The following STPG2 variants were observed in gnomAD, a reference collection of about 807,000 sequenced individuals.
STPG2 encodes sperm tail PG-rich repeat containing 2, also known as sperm-tail PG-rich repeat-containing protein 2.
STPG2 carries 56 observed loss-of-function variants against 54.2 expected under a neutral mutation model. That is an observed-to-expected ratio of 1.03 (90% CI 0.83 to 1.29). The LOEUF is 1.29. STPG2 is among the 50% of genes most tolerant of loss of function. The probability of loss-of-function intolerance (pLI) is 0.00; values close to 1 mark genes in which losing one functional copy is unlikely to be tolerated. For synonymous variants in STPG2, 200 were observed against 181.8 expected (o/e 1.10, Z -0.81); for missense variants, 596 against 544.9 (o/e 1.09, Z -0.93).
At chr4:97,629,888 G>C (rs1284740220) in intron 10 of STPG2, among the ~76,000 whole-genome samples, 2 of 151,910 alleles carry the variant, frequency 1.3e-5, no homozygotes, top group Non-Finnish European at 2.9e-5. Flanking sequence ...AATTTGCAAA[G>C]GCACAGAAAC....
At chr4:98,134,225 A>T (rs921972296) in intron 2 of STPG2, 122 bp downstream of exon 2, 6 of 428,890 alleles carry the variant, frequency 1.4e-5, no homozygotes, top group African/African-American at 1.0e-4. Context: ...AAATTATAAA[A>T]TATAAATTGA....
intron 4 of STPG2, among the ~76,000 whole-genome samples, chr4:97,459,522 C>A (rs1241137781): frequency 6.7e-6 from 1 of 149,686 alleles, no homozygotes; most frequent in African/African-American, 2.5e-5. Flanking sequence ...TCACTACAAG[C>A]TCCGCCTCCC....
intron 5 of STPG2, among the ~76,000 whole-genome samples, chr4:98,002,221 C>T (rs867461604): frequency 6.6e-6 from 1 of 151,810 alleles, no homozygotes. Flanking sequence ...CTCTGAAGTG[C>T]TGTATAGGAA....
At chr4:98,048,252 A>T (rs1737203851) in intron 5 of STPG2, among the ~76,000 whole-genome samples, 1 of 152,220 alleles carries the variant, frequency 6.6e-6, no homozygotes, top group East Asian at 1.9e-4. Context: ...AGATAAAATA[A>T]GATAAAATAG....
intron 8 of STPG2, among the ~76,000 whole-genome samples, chr4:97,893,713 C>G (rs751288794): frequency 8.6e-5 from 13 of 151,986 alleles, no homozygotes; most frequent in Non-Finnish European, 1.6e-4. Context: ...ATTAAATTAC[C>G]TTTCATCGGC....
At chr4:97,982,377 TACACACACACACACAC>T (rs59489663) in intron 5 of STPG2, among the ~76,000 whole-genome samples, 1 of 143,538 alleles carries the variant, frequency 7.0e-6, no homozygotes, top group Non-Finnish European at 1.5e-5. Flanking sequence ...TCTCTTACTC[TACACACACACACACAC>T]ACACACACAC....
intron 8 of STPG2, among the ~76,000 whole-genome samples, chr4:97,876,030 A>T (rs1730159120): frequency 6.6e-6 from 1 of 152,062 alleles, no homozygotes. Flanking sequence ...CTTCATTAAA[A>T]ATTCAGCCAG....
intron 4 of STPG2, among the ~76,000 whole-genome samples, chr4:97,496,273 T>C (rs1239465107): frequency 6.6e-6 from 1 of 151,746 alleles, no homozygotes; most frequent in African/African-American, 2.4e-5. Context: ...TTAGCGATTA[T>C]AAGTACTTGC....
At chr4:97,903,873 A>C (rs1426942154) in intron 8 of STPG2, among the ~76,000 whole-genome samples, 1 of 152,204 alleles carries the variant, frequency 6.6e-6, no homozygotes, top group Non-Finnish European at 1.5e-5. Flanking sequence ...CTCCCACCCG[A>C]ATACTGCGCT....
chr4:97,777,029 T>A (rs1293369218), intron 9 of STPG2, among the ~76,000 whole-genome samples: 1 of 152,214 alleles, frequency 6.6e-6, no homozygotes, highest in Non-Finnish European at 1.5e-5. Flanking sequence ...AAAGAGATTT[T>A]AAGTACTTTG....
intron 8 of STPG2, among the ~76,000 whole-genome samples, chr4:97,844,318 T>C (rs1403656856): frequency 6.6e-6 from 1 of 152,018 alleles, no homozygotes; most frequent in African/African-American, 2.4e-5. Flanking sequence ...TCCCATGTTG[T>C]AGCATATTGC....
At chr4:98,056,765 CT>C (rs1278027086) in intron 5 of STPG2, among the ~76,000 whole-genome samples, 10 of 152,112 alleles carry the variant, frequency 6.6e-5, no homozygotes, top group African/African-American at 2.4e-4. Context: ...TGGGGGCAGA[CT>C]TCCCCCTTGC....
chr4:97,843,278 C>A (rs149092879), intron 8 of STPG2, among the ~76,000 whole-genome samples: 44 of 151,514 alleles, frequency 2.9e-4, no homozygotes, highest in African/African-American at 9.9e-4. Context: ...AGCAGAGAAT[C>A]TGGGTCCCAA....
In STPG2 at chr4:98,134,396, A is replaced by G. The variant is rs1740080324; in HGVS notation, c.173T>C (p.Ile58Thr). The change falls in exon 2 of 11, where the codon ATT (isoleucine) becomes ACT (threonine). Residue 58 changes from isoleucine (I) to threonine (T), a missense_variant. Coordinates refer to ENST00000295268, the MANE Select transcript of STPG2 (RefSeq NM_174952.3). ...TCCTGGACCTGGAACAGCTTTCTCA[A>G]TGCTAGAGGCAATGGTAAAAGTACT... ...RESTFTIASSIEKAVPGPGHY... is the reference protein window; with the variant it reads ...RESTFTIASSTEKAVPGPGHY... The G allele has an allele frequency of 6.3e-7, 1 of 1,588,954 alleles. No homozygotes were observed. Among genetic ancestry groups the G allele is most frequent in the South Asian group, 1.1e-5 (1 of 87,566 alleles).
At chr4:97,934,803 T>C (rs1003471048) in intron 8 of STPG2, among the ~76,000 whole-genome samples, 1 of 152,196 alleles carries the variant, frequency 6.6e-6, no homozygotes, top group Non-Finnish European at 1.5e-5. Context: ...TCAGGGATAT[T>C]GGCCTGAAGT....
At chr4:97,850,407 A>T (rs1729119461) in intron 8 of STPG2, among the ~76,000 whole-genome samples, 1 of 151,672 alleles carries the variant, frequency 6.6e-6, no homozygotes, top group African/African-American at 2.4e-5. Flanking sequence ...ACTTCTTATG[A>T]TGTTGTAAAT....
chr4:98,066,089 T>C (rs1237117812), intron 5 of STPG2, among the ~76,000 whole-genome samples: 2 of 135,054 alleles, frequency 1.5e-5, no homozygotes, highest in Non-Finnish European at 3.3e-5. Context: ...TTGTTTCATA[T>C]ATCAAAAATA....
At chr4:98,076,588 A>T (rs950626567) in intron 5 of STPG2, among the ~76,000 whole-genome samples, 5 of 152,180 alleles carry the variant, frequency 3.3e-5, no homozygotes, top group African/African-American at 1.2e-4. Flanking sequence ...GCAGTTATAG[A>T]TATTTCAAAG....
chr4:98,128,394 T>C, intron 3 of STPG2, 34 bp downstream of exon 3: 2 of 1,509,884 alleles, frequency 1.3e-6, no homozygotes, highest in Non-Finnish European at 1.8e-6. Flanking sequence ...ATAAACAATT[T>C]TCCAATTGTC....
Sources: gnomAD v4.1 joint callset for allele counts (sites outside exome capture counted in the v4.1 genomes callset) on GRCh38, gnomAD v4.1.1 for gene constraint, MANE v1.5 for transcripts, NCBI Gene and HGNC (gene_info 2026-07-23, HGNC 2026-07-21) for gene names.